ZYG11B: variants seen among roughly 807,000 people sequenced by gnomAD.
The protein encoded by ZYG11B is protein zyg-11 homolog B.
A neutral mutation model predicts 82.4 loss-of-function variants in ZYG11B; 36 were observed. The ratio of observed to expected loss-of-function variants is 0.44; its 90% CI spans 0.33 to 0.58. ZYG11B has a LOEUF of 0.58. Ranked by LOEUF, ZYG11B falls within the 20% of genes least tolerant of loss-of-function variation. ZYG11B has a pLI of 0.02. For missense variants in ZYG11B, 552 were observed against 895.6 expected, an observed-to-expected ratio of 0.62 and a Z score of 4.90; for synonymous variants, 303 against 312.8, an observed-to-expected ratio of 0.97 and a Z score of 0.33.
chr1:52,758,060 C>T (rs1644594630), intron 2 of ZYG11B, among the ~76,000 whole-genome samples: 1 of 151,620 alleles, frequency 6.6e-6, no homozygotes, highest in African/African-American at 2.4e-5. Context: ...ATTAGCCGGG[C>T]GTGGTGGCGC....
intron 6 of ZYG11B, among the ~76,000 whole-genome samples, chr1:52,793,217 A>G (rs1179189108): frequency 1.5e-4 from 23 of 152,040 alleles, no homozygotes; most frequent in Non-Finnish European, 8.8e-5. Context: ...TCAGAGTCCC[A>G]AAGTTAGGCC....
chr1:52,740,093 TA>T (rs768037458), intron 1 of ZYG11B, among the ~76,000 whole-genome samples: 2 of 152,202 alleles, frequency 1.3e-5, no homozygotes, highest in Non-Finnish European at 2.9e-5. Context: ...TTTCCATTAT[TA>T]ACCCCACTTC....
intron 1 of ZYG11B, among the ~76,000 whole-genome samples, chr1:52,750,738 T>C (rs1644515598): frequency 6.6e-6 from 1 of 152,182 alleles, no homozygotes; most frequent in African/African-American, 2.4e-5. Context: ...AGAAGCCCTG[T>C]GCCCACTAGC....
chr1:52,744,040 G>A (rs746085585), intron 1 of ZYG11B, among the ~76,000 whole-genome samples: 3 of 151,906 alleles, frequency 2.0e-5, no homozygotes, highest in Non-Finnish European at 4.4e-5. Flanking sequence ...GGGTTCAAGC[G>A]ATTCTCCTGC....
intron 13 of ZYG11B, 119 bp from the exon 14 acceptor site, chr1:52,821,320 A>C: frequency 3.1e-6 from 3 of 969,002 alleles, no homozygotes; most frequent in Non-Finnish European, 3.0e-6. Context: ...GTTAGTGATC[A>C]ATAACAAAAC....
rs1385343025 is a variant in ZYG11B at position 52,789,890 on chromosome 1, T to C, written c.1270-113T>C. 11 of 656,616 alleles carry C rather than the reference T, an allele frequency of 1.7e-5. No individual in the cohort carries two copies. The African/African-American group carries it at 1.8e-4, about 11-fold the overall frequency. 40.7% of individuals were successfully genotyped at this position (656,616 alleles called of 1,614,324 possible). A position where few individuals can be genotyped will look rare whatever the true frequency, so the allele number is the denominator to read the frequency against. On this transcript the variant is annotated intron_variant, in intron 5 of 13. Transcript: ENST00000294353. ...GGGGGCAGATAAAGATTGTAAGAAA[T>C]AACTGGTGTTTCATCAGTCTTCTTC...
At chr1:52,812,667 A>C (rs1488721587) in intron 10 of ZYG11B, among the ~76,000 whole-genome samples, 2 of 151,524 alleles carry the variant, frequency 1.3e-5, no homozygotes, top group African/African-American at 4.9e-5. Flanking sequence ...AGCCTCCCAA[A>C]GTGATGGGAT....
At chr1:52,728,404 G>A (rs151323692) in intron 1 of ZYG11B, among the ~76,000 whole-genome samples, 5 of 152,218 alleles carry the variant, frequency 3.3e-5, no homozygotes, top group African/African-American at 4.8e-5. Context: ...CCACAGGCAC[G>A]GACTACCGTG....
At chr1:52,754,036 T>A (rs1644549563) in intron 1 of ZYG11B, among the ~76,000 whole-genome samples, 1 of 151,828 alleles carries the variant, frequency 6.6e-6, no homozygotes, top group Non-Finnish European at 1.5e-5. Flanking sequence ...CTTTGCCTTT[T>A]TTTTTTTGAG....
intron 1 of ZYG11B, among the ~76,000 whole-genome samples, chr1:52,749,627 G>A (rs935355827): frequency 6.6e-6 from 1 of 152,028 alleles, no homozygotes; most frequent in African/African-American, 2.4e-5. Flanking sequence ...TTTTGAGATG[G>A]AGTTTTGCTC....
At position 52,755,931 on chromosome 1, in the gene ZYG11B, C is replaced by G. The variant is rs546077515; in HGVS notation, c.31-527C>G. ...TCTCCTGCCTCAGCCTCCTGAGTAG[C>G]TGGAACTACAGGCGTCCACCACCAT... On this transcript the variant is annotated intron_variant, in intron 1 of 13. Coordinates refer to ENST00000294353, the MANE Select transcript of ZYG11B (RefSeq NM_024646.3). Among the ~76,000 whole-genome samples the G allele has an allele frequency of 2.0e-5, 3 of 152,190 alleles. No individual in the cohort carries two copies. The South Asian group carries it at 6.2e-4, about 32-fold the overall frequency.
intron 10 of ZYG11B, among the ~76,000 whole-genome samples, chr1:52,803,123 C>CATATATATATATACACACAT (rs1313356218): frequency 1.9e-5 from 1 of 53,652 alleles, no homozygotes; most frequent in South Asian, 4.5e-4. Context: ...TATATACACA[C>CATATATATATATACACACAT]ATATATATAT....
Position 52,776,229 on chromosome 1 carries a change from A to AAAAAAAAATATATATATATATATATAT in ZYG11B, c.952-3623_952-3622insAAAAAAATATATATATATATATATATA. ...AGCAAAACTCTGTCTTAAAAAAAAA[A>AAAAAAAAATATATATATATATATATAT]ATATATATATATATATGCAATAAAG... On this transcript the variant is annotated intron_variant, in intron 3 of 13. Transcript: ENST00000294353. 1.4e-3 allele frequency among the ~76,000 whole-genome samples: 34 copies of AAAAAAAAATATATATATATATATATAT among 23,528 alleles called. 1 individual carries two copies. The highest frequency in any genetic ancestry group is 3.0e-3 in the African/African-American group (32 of 10,536). The allele number at this position is 23,528 out of a possible 152,430, so 15.4% of individuals were successfully genotyped here.
intron 1 of ZYG11B, among the ~76,000 whole-genome samples, chr1:52,740,510 A>G (rs893732827): frequency 6.6e-6 from 1 of 150,426 alleles, no homozygotes; most frequent in Admixed American, 6.6e-5. Context: ...ATATCTCCAT[A>G]CCCTTAAACA....
chr1:52,728,152 C>G (rs966094324), intron 1 of ZYG11B, among the ~76,000 whole-genome samples: 3 of 152,160 alleles, frequency 2.0e-5, no homozygotes, highest in African/African-American at 7.2e-5. Context: ...AGTGCCCAGG[C>G]CAGCTAGGTG....
At chr1:52,728,963 T>C (rs1230819976) in intron 1 of ZYG11B, among the ~76,000 whole-genome samples, 1 of 152,134 alleles carries the variant, frequency 6.6e-6, no homozygotes, top group Non-Finnish European at 1.5e-5. Flanking sequence ...TGGAGATGTG[T>C]AGTAGGAAAT....
At chr1:52,735,655 G>T (rs1308668234) in intron 1 of ZYG11B, among the ~76,000 whole-genome samples, 2 of 152,064 alleles carry the variant, frequency 1.3e-5, no homozygotes, top group Non-Finnish European at 2.9e-5. Flanking sequence ...TCCTGCCTCA[G>T]CCTTCTGAAT....
At position 52,726,536 on chromosome 1, in the gene ZYG11B, C is replaced by T; in HGVS notation, c.-118C>T. On this transcript the variant is annotated 5_prime_UTR_variant, in exon 1 of 14. Transcript: ENST00000294353. ...CGCTCCTAGCTTGAGGGAAAGAGGC[C>T]GAGGCCTGGGCCAAGCCCGGAGCCG... The T allele has an allele frequency of 1.0e-6, 1 of 997,054 alleles. No individual in the cohort carries two copies. The highest frequency in any genetic ancestry group is 3.5e-4 in the Middle Eastern group (1 of 2,834). The allele number at this position is 997,054 out of a possible 1,614,324, so 61.8% of individuals were successfully genotyped here. A position where few individuals can be genotyped will look rare whatever the true frequency, so the allele number is the denominator to read the frequency against.
rs1644901971 is a variant in ZYG11B, at chr1:52,785,071, C to T, written c.1269+18C>T. 6.2e-7 allele frequency: 1 copy of T among 1,609,532 alleles called. No individual in the cohort carries two copies. The highest frequency in any genetic ancestry group is 8.5e-7 in the Non-Finnish European group (1 of 1,178,488). On this transcript the variant is annotated intron_variant, in intron 5 of 13. Coordinates refer to ENST00000294353, the MANE Select transcript of ZYG11B (RefSeq NM_024646.3). The stretch of plus-strand genomic sequence containing the variant: ...ACCAGCAGGTAAGCTTATGTGAATT[C>T]CTTTTCAAATAGTCCTTGTAGTGTC...
Sources: gnomAD v4.1 joint callset for allele counts (sites outside exome capture counted in the v4.1 genomes callset) on GRCh38, gnomAD v4.1.1 for gene constraint, MANE v1.5 for transcripts, NCBI Gene and HGNC (gene_info 2026-07-23, HGNC 2026-07-21) for gene names.